Variants in PHKG2 observed in about 807,000 individuals in gnomAD.
The protein encoded by PHKG2 is phosphorylase kinase catalytic subunit gamma 2.
A neutral mutation model predicts 44.5 loss-of-function variants in PHKG2; 28 were observed. That is an observed-to-expected ratio of 0.63 (90% CI 0.47 to 0.86). The LOEUF (loss-of-function observed/expected upper bound fraction) is 0.86, where lower values mean the gene tolerates loss of function less well. PHKG2 is among the 40% of genes least tolerant of loss of function. The probability of loss-of-function intolerance (pLI) is 0.00; values close to 1 mark genes in which losing one functional copy is unlikely to be tolerated. For missense variants in PHKG2, 498 were observed against 547.5 expected, an observed-to-expected ratio of 0.91 and a Z score of 0.90; for synonymous variants, 220 against 211.2, an observed-to-expected ratio of 1.04 and a Z score of -0.36.
At position 30,760,274 on chromosome 16, in the gene PHKG2, C is replaced by T; in HGVS notation, c.*3177C>T. The T allele has an allele frequency of 1.2e-6, 2 of 1,614,160 alleles. No homozygotes were observed. The highest frequency in any genetic ancestry group is 1.7e-6 in the Non-Finnish European group (2 of 1,180,040). The stretch of plus-strand genomic sequence containing the variant: ...CCTGGGGCTCAAACCTGGTAGCTGC[C>T]CCCTCTCACCAATACAAGCCTTGTG... On this transcript the variant is annotated 3_prime_UTR_variant, in exon 10 of 10. Coordinates refer to ENST00000563588, the MANE Select transcript of PHKG2 (RefSeq NM_000294.3).
intron 1 of PHKG2, 36 bp downstream of exon 1, chr16:30,748,526 C>T: frequency 2.0e-6 from 1 of 504,392 alleles, no homozygotes. Flanking sequence ...CCTTCCTGCG[C>T]CCGCCCGAAT....
Position 30,758,913 on chromosome 16 carries a change from T to C in PHKG2, c.*1816T>C. ...AAGGGATCATTTAGAGAAAGGACTC[T>C]GACTAAAAACAAAAAGTCTGAAGTC... On this transcript the variant is annotated 3_prime_UTR_variant, in exon 10 of 10. Coordinates refer to ENST00000563588, the MANE Select transcript of PHKG2 (RefSeq NM_000294.3). 1 of 1,533,260 alleles carries C rather than the reference T, an allele frequency of 6.5e-7. No individual in the cohort carries two copies. The highest frequency in any genetic ancestry group is 1.3e-5 in the South Asian group (1 of 78,518). 95.0% of individuals were successfully genotyped at this position (1,533,260 alleles called of 1,614,324 possible). A position where few individuals can be genotyped will look rare whatever the true frequency, so the allele number is the denominator to read the frequency against.
Position 30,757,648 on chromosome 16 carries a change from A to T in PHKG2, c.*551A>T. On this transcript the variant is annotated 3_prime_UTR_variant, in exon 10 of 10. Coordinates refer to ENST00000563588, the MANE Select transcript of PHKG2 (RefSeq NM_000294.3). ...CTTGATGTAGGCTCGGAGGACGTGG[A>T]TGTGGCCTGCAGGGGCAGGGAAGAA... 6.2e-7 allele frequency: 1 copy of T among 1,612,004 alleles called. No homozygotes were observed. The highest frequency in any genetic ancestry group is 8.5e-7 in the Non-Finnish European group (1 of 1,178,648).
Position 30,760,431 on chromosome 16 carries a change from G to C in PHKG2, c.*3334G>C. 6.2e-7 allele frequency: 1 copy of C among 1,614,118 alleles called. No homozygotes were observed. The highest frequency in any genetic ancestry group is 8.5e-7 in the Non-Finnish European group (1 of 1,179,996). On this transcript the variant is annotated 3_prime_UTR_variant, in exon 10 of 10. Coordinates refer to ENST00000563588, the MANE Select transcript of PHKG2 (RefSeq NM_000294.3). ...CTCAGGCTCTGCTCAGGACACCCTA[G>C]CTCCAGCAGCTCAGCCAGCACCCTT... is the stretch of plus-strand genomic sequence containing the variant.
chr16:30,760,588 G>A lies in PHKG2; in HGVS notation c.*3491G>A, dbSNP rs748637602. ...AGCCTTTGCCAAGAGCTCTTCCCAC[G>A]CCCCCCTCAGTCCCTACTCCCTCAT... is the stretch of plus-strand genomic sequence containing the variant. On this transcript the variant is annotated 3_prime_UTR_variant, in exon 10 of 10. Coordinates refer to ENST00000563588, the MANE Select transcript of PHKG2 (RefSeq NM_000294.3). 178 of 1,560,714 alleles carry A rather than the reference G, an allele frequency of 1.1e-4. No homozygotes were observed. The highest frequency in any genetic ancestry group is 1.1e-3 in the Admixed American group (57 of 51,824).
chr16:30,749,070 G>C (rs1318525138), intron 2 of PHKG2, among the ~76,000 whole-genome samples, 155 bp downstream of exon 2: 3,317 of 24,660 alleles, frequency 0.13, 733 homozygotes, highest in East Asian at 0.35. Context: ...GGTGGTGGTG[G>C]TGGTGGTGGT....
rs914534228 is a variant in PHKG2 at position 30,759,863 on chromosome 16, G to A, written c.*2766G>A. On this transcript the variant is annotated 3_prime_UTR_variant, in exon 10 of 10. Coordinates refer to ENST00000563588, the MANE Select transcript of PHKG2 (RefSeq NM_000294.3). ...GCACTGGCTTGTTTCCTTAACTCATGTAACAAATACTGAATACCCACTATA... is the reference window on the plus strand; with the variant it reads ...GCACTGGCTTGTTTCCTTAACTCATATAACAAATACTGAATACCCACTATA... The A allele has an allele frequency of 2.7e-6, 4 of 1,458,562 alleles. No homozygotes were observed. Among genetic ancestry groups the A allele is most frequent in the Admixed American group, 2.8e-5 (1 of 35,712 alleles). 90.4% of individuals were successfully genotyped at this position (1,458,562 alleles called of 1,614,324 possible). A position where few individuals can be genotyped will look rare whatever the true frequency, so the allele number is the denominator to read the frequency against.
rs1369604179 is a variant in PHKG2 at position 30,759,341 on chromosome 16, C to T, written c.*2244C>T. The stretch of plus-strand genomic sequence containing the variant: ...GCTCCTCATGGTCCACCACCCCCTA[C>T]CTGGGGTGTGAAGACGTATTTATAG... On this transcript the variant is annotated 3_prime_UTR_variant, in exon 10 of 10. Transcript: ENST00000563588. 10 of 1,613,500 alleles carry T rather than the reference C, an allele frequency of 6.2e-6. No individual in the cohort carries two copies. Among genetic ancestry groups the T allele is most frequent in the Non-Finnish European group, 6.8e-6 (8 of 1,179,518 alleles).
intron 6 of PHKG2, 136 bp from the exon 7 acceptor site, chr16:30,756,046 T>TTGGCAGAAGGC: frequency 1.3e-6 from 1 of 798,884 alleles, no homozygotes; most frequent in Non-Finnish European, 2.2e-6. Context: ...AGCAGGAGAC[T>TTGGCAGAAGGC]TGGCAGAAGG....
Position 30,753,416 on chromosome 16 carries a change from G to A in PHKG2, c.415G>A (p.Glu139Lys), listed in dbSNP as rs1174960981. The A allele has an allele frequency of 6.2e-7, 1 of 1,614,204 alleles. No homozygotes were observed. The highest frequency in any genetic ancestry group is 1.1e-5 in the South Asian group (1 of 91,084). ...CAGGTCCATCATGCGGTCTCTGCTG[G>A]AAGCAGTGAGCTTTCTCCATGCCAA... ...ETRSIMRSLLEAVSFLHANNI... is the reference protein window; with the variant it reads ...ETRSIMRSLLKAVSFLHANNI... Residue 139 changes from glutamate (E) to lysine (K), a missense_variant, in exon 6 of 10, where the codon GAA (glutamate) becomes AAA (lysine). By Grantham distance (56) the Glu-to-Lys change is moderately conservative. Transcript: ENST00000563588.
chr16:30,749,634 G>GTT (rs2053319068), intron 2 of PHKG2, among the ~76,000 whole-genome samples: 1 of 152,172 alleles, frequency 6.6e-6, no homozygotes, highest in Non-Finnish European at 1.5e-5. Flanking sequence ...GTGAGCCACC[G>GTT]CGCCTGGTTG....
Position 30,760,823 on chromosome 16 carries a change from C to G in PHKG2, c.*3726C>G. 1 of 693,388 alleles carries G rather than the reference C, an allele frequency of 1.4e-6. No individual in the cohort carries two copies. Among genetic ancestry groups the G allele is most frequent in the Non-Finnish European group, 2.6e-6 (1 of 391,562 alleles). 43.0% of individuals were successfully genotyped at this position (693,388 alleles called of 1,614,324 possible). ...CTATGCAAATCGTTAACTCTCTGGG[C>G]CTAAATGAACTCTTATGAGCCTCTC... On this transcript the variant is annotated 3_prime_UTR_variant, in exon 10 of 10. Transcript: ENST00000563588.
rs778134113 is a variant in PHKG2, at chr16:30,761,149, C to T, written c.*4052C>T. 2 of 1,602,028 alleles carry T rather than the reference C, an allele frequency of 1.2e-6. No individual in the cohort carries two copies. The highest frequency in any genetic ancestry group is 1.7e-6 in the Non-Finnish European group (2 of 1,171,102). On this transcript the variant is annotated 3_prime_UTR_variant, in exon 10 of 10. Transcript: ENST00000563588. ...GCCACAGACAGGACTGTTGGGGAGA[C>T]AATAAAGAACGCAAATATTCAGTGT...
Position 30,757,533 on chromosome 16 carries a change from A to C in PHKG2, c.*436A>C. On this transcript the variant is annotated 3_prime_UTR_variant, in exon 10 of 10. Transcript: ENST00000563588. ...GTAGCTGGAAGGGCCGCTCTAGTGCAGTCAACTTGCTGCTGAGCCTTTCCT... is the reference window on the plus strand; with the variant it reads ...GTAGCTGGAAGGGCCGCTCTAGTGCCGTCAACTTGCTGCTGAGCCTTTCCT... 1 of 1,614,246 alleles carries C rather than the reference A, an allele frequency of 6.2e-7. No individual in the cohort carries two copies. The highest frequency in any genetic ancestry group is 8.5e-7 in the Non-Finnish European group (1 of 1,180,046).
In PHKG2 at chr16:30,760,462, GGA is replaced by G. The variant is rs1245811542; in HGVS notation, c.*3371_*3372del. 3 of 1,613,624 alleles carry G rather than the reference GGA, an allele frequency of 1.9e-6. No individual in the cohort carries two copies. The highest frequency in any genetic ancestry group is 2.2e-5 in the East Asian group (1 of 44,882). On this transcript the variant is annotated 3_prime_UTR_variant, in exon 10 of 10. Transcript: ENST00000563588. ...GCAGCTCAGCCAGCACCCTTGGGAG[GGA>G]GAGAGGAGTGAGTGACAACTGGGCC...
At position 30,753,438 on chromosome 16, in the gene PHKG2, CCAA is replaced by C; in HGVS notation, c.443_445del (p.Asn148del). ...CTGGAAGCAGTGAGCTTTCTCCATG[CCAA>C]CAACATTGTGCATCGAGATCTGAAG... On this transcript the variant is annotated inframe_deletion, in exon 6 of 10. Coordinates refer to ENST00000563588, the MANE Select transcript of PHKG2 (RefSeq NM_000294.3). The C allele has an allele frequency of 6.2e-7, 1 of 1,614,160 alleles. No individual in the cohort carries two copies. Among genetic ancestry groups the C allele is most frequent in the East Asian group, 2.2e-5 (1 of 44,878 alleles).
chr16:30,760,971 C>T lies in PHKG2; in HGVS notation c.*3874C>T. The T allele has an allele frequency of 1.6e-6, 1 of 613,480 alleles. No homozygotes were observed. Among genetic ancestry groups the T allele is most frequent in the East Asian group, 2.7e-5 (1 of 36,466 alleles). 38.0% of individuals were successfully genotyped at this position (613,480 alleles called of 1,614,324 possible). ...TCCCCCTCTGTACAATACTCCTTAG[C>T]GGCCATGAGACTCCATTTACATTCT... On this transcript the variant is annotated 3_prime_UTR_variant, in exon 10 of 10. Transcript: ENST00000563588.
chr16:30,749,813 AC>A lies in PHKG2; in HGVS notation c.95+901del, dbSNP rs551948699. On this transcript the variant is annotated intron_variant, in intron 2 of 9. Coordinates refer to ENST00000563588, the MANE Select transcript of PHKG2 (RefSeq NM_000294.3). ...GATGCGTATGCCCTGGAGGTACTCCACCCGAAGTGACTGAAATTGGCACGTG... is the reference window on the plus strand; with the variant it reads ...GATGCGTATGCCCTGGAGGTACTCCACCGAAGTGACTGAAATTGGCACGTG... Among the ~76,000 whole-genome samples the A allele has an allele frequency of 2.0e-3, 298 of 152,272 alleles. 1 individual carries two copies. The highest frequency in any genetic ancestry group is 7.0e-3 in the African/African-American group (290 of 41,542).
rs368738097 is a variant in PHKG2, at chr16:30,760,286, A to G, written c.*3189A>G. 5.6e-6 allele frequency: 9 copies of G among 1,614,106 alleles called. No individual in the cohort carries two copies. Among genetic ancestry groups the G allele is most frequent in the Non-Finnish European group, 7.6e-6 (9 of 1,180,008 alleles). Reference sequence around the variant, plus strand: ...ACCTGGTAGCTGCCCCCTCTCACCAATACAAGCCTTGTGAAGATCCTGGAG... The same window carrying G: ...ACCTGGTAGCTGCCCCCTCTCACCAGTACAAGCCTTGTGAAGATCCTGGAG... On this transcript the variant is annotated 3_prime_UTR_variant, in exon 10 of 10. Transcript: ENST00000563588.
Sources: gnomAD v4.1 joint callset for allele counts (sites outside exome capture counted in the v4.1 genomes callset) on GRCh38, gnomAD v4.1.1 for gene constraint, MANE v1.5 for transcripts, NCBI Gene and HGNC (gene_info 2026-07-23, HGNC 2026-07-21) for gene names.